Variants in SORCS3 observed in about 807,000 individuals in gnomAD.
SORCS3 encodes the protein VPS10 domain-containing receptor SorCS3.
SORCS3 carries 57 observed loss-of-function variants against 146.3 expected under a neutral mutation model. That is an observed-to-expected ratio of 0.39 (90% CI 0.31 to 0.49). The LOEUF is 0.49. Ranked by LOEUF, SORCS3 falls within the 20% of genes least tolerant of loss-of-function variation. SORCS3 has a pLI of 0.92. For synonymous variants in SORCS3, 653 were observed against 618.5 expected (o/e 1.06, Z -0.83); for missense variants, 1,341 against 1,575.5 (o/e 0.85, Z 2.52).
At chr10:104,940,398 C>G (rs546962047) in intron 3 of SORCS3, among the ~76,000 whole-genome samples, 1 of 112,854 alleles carries the variant, frequency 8.9e-6, no homozygotes, top group African/African-American at 3.0e-5. Context: ...CCCCCTCCCC[C>G]CACCCCACAA....
chr10:104,870,509 C>T (rs983293050), intron 2 of SORCS3, among the ~76,000 whole-genome samples: 4 of 152,068 alleles, frequency 2.6e-5, no homozygotes, highest in Non-Finnish European at 2.9e-5. Flanking sequence ...TGCCATCCAC[C>T]CCTTGCACCT....
At chr10:104,795,978 G>C (rs964811353) in intron 1 of SORCS3, among the ~76,000 whole-genome samples, 1 of 152,140 alleles carries the variant, frequency 6.6e-6, no homozygotes, top group African/African-American at 2.4e-5. Context: ...CTAGCAGAGC[G>C]CTTTGCCCTG....
chr10:104,886,764 T>C (rs765968638), intron 2 of SORCS3, among the ~76,000 whole-genome samples: 8 of 152,212 alleles, frequency 5.3e-5, no homozygotes, highest in Non-Finnish European at 8.8e-5. Flanking sequence ...AAAATATTTG[T>C]TCCTAGACTT....
Position 105,040,913 on chromosome 10 carries a change from T to A in SORCS3, c.955-2142T>A, listed in dbSNP as rs1049183821. Among the ~76,000 whole-genome samples, 23 of 151,124 alleles carry A rather than the reference T, an allele frequency of 1.5e-4. No homozygotes were observed. The Admixed American group carries it at 1.5e-3, about 10-fold the overall frequency. On this transcript the variant is annotated intron_variant, in intron 4 of 26. Transcript: ENST00000369701. Reference sequence around the variant, plus strand: ...TATATTTTCTGTATAGTTGATGTAGTCACTATGCAGCACCAAGCATCAGTA... The same window carrying A: ...TATATTTTCTGTATAGTTGATGTAGACACTATGCAGCACCAAGCATCAGTA...
intron 5 of SORCS3, among the ~76,000 whole-genome samples, chr10:105,078,692 T>C (rs965207669): frequency 3.3e-5 from 5 of 152,228 alleles, no homozygotes; most frequent in African/African-American, 1.2e-4. Context: ...AGTGTTAACA[T>C]GTGCCTCTCT....
rs2015410575 is a variant in SORCS3 at position 104,641,316 on chromosome 10, AG to A, written c.-11del. The A allele has an allele frequency of 4.7e-6, 6 of 1,283,782 alleles. 1 individual carries two copies. The East Asian group carries it at 1.9e-4, about 42-fold the overall frequency. The allele number at this position is 1,283,782 out of a possible 1,614,324, so 79.5% of individuals were successfully genotyped here. On this transcript the variant is annotated 5_prime_UTR_variant, in exon 1 of 27. Transcript: ENST00000369701. This position sits in a 1 kb window ranked among gnomAD's most constrained non-coding sequence, Gnocchi z 6.4. ...CACACTCGGCAGCCCGAGCCGCGGT[AG>A]CCGCAGCGGGATGGAGGCGGCGCGC...
chr10:105,020,600 A>G (rs2055192511), intron 4 of SORCS3, among the ~76,000 whole-genome samples: 1 of 152,228 alleles, frequency 6.6e-6, no homozygotes. Context: ...TTAAAATACT[A>G]CTTCAGCAAC....
intron 1 of SORCS3, among the ~76,000 whole-genome samples, chr10:104,772,553 C>T (rs373437945): frequency 4.6e-5 from 7 of 152,148 alleles, no homozygotes; most frequent in African/African-American, 1.2e-4. Flanking sequence ...CAGATCAAGC[C>T]GTTTTTCCTC....
At position 104,721,453 on chromosome 10, in the gene SORCS3, A is replaced by G. The variant is rs1182526130; in HGVS notation, c.627+79499A>G. On this transcript the variant is annotated intron_variant, in intron 1 of 26. Coordinates refer to ENST00000369701, the MANE Select transcript of SORCS3 (RefSeq NM_014978.3). ...TCTTTTGGCTTAGGATTGACTTGGC[A>G]ATGCGGGCTCTTTTTTGGTTCCATA... is the stretch of plus-strand genomic sequence containing the variant. Among the ~76,000 whole-genome samples, 30 of 152,162 alleles carry G rather than the reference A, an allele frequency of 2.0e-4. No homozygotes were observed. In the East Asian group the frequency reaches 3.7e-3, roughly 19 times the overall value.
At chr10:104,754,122 T>A (rs561781377) in intron 1 of SORCS3, among the ~76,000 whole-genome samples, 43 of 152,286 alleles carry the variant, frequency 2.8e-4, no homozygotes, top group African/African-American at 1.0e-3. Flanking sequence ...ATTTTGTGAA[T>A]GTTTGGTGCT....
At chr10:105,178,215 A>T in intron 14 of SORCS3, 42 bp downstream of exon 14, 1 of 1,470,044 alleles carries the variant, frequency 6.8e-7, no homozygotes, top group Non-Finnish European at 9.4e-7. Flanking sequence ...GACCAGAGAC[A>T]CTGGTTCTAC....
chr10:105,148,489 G>A (rs1056779848), intron 9 of SORCS3, among the ~76,000 whole-genome samples: 2 of 152,140 alleles, frequency 1.3e-5, no homozygotes, highest in African/African-American at 4.8e-5. Context: ...TATAGTGACA[G>A]TATGTGACCT....
chr10:104,741,972 T>C (rs1025322669), intron 1 of SORCS3, among the ~76,000 whole-genome samples: 1 of 152,010 alleles, frequency 6.6e-6, no homozygotes, highest in Non-Finnish European at 1.5e-5. Flanking sequence ...CTCACTCAAG[T>C]TGGGATTTTC....
chr10:104,976,259 T>C (rs9702966), intron 3 of SORCS3, among the ~76,000 whole-genome samples: 3 of 152,252 alleles, frequency 2.0e-5, no homozygotes, highest in Non-Finnish European at 4.4e-5. Context: ...AGGACATGAA[T>C]AGACACTTCT....
intron 20 of SORCS3, among the ~76,000 whole-genome samples, chr10:105,242,441 T>C (rs1210293594): frequency 1.6e-5 from 1 of 61,970 alleles, no homozygotes; most frequent in Non-Finnish European, 3.0e-5. Context: ...TACATATATT[T>C]ATATATATTT....
intron 1 of SORCS3, among the ~76,000 whole-genome samples, chr10:104,757,800 A>G (rs1228086993): frequency 1.3e-5 from 2 of 151,740 alleles, no homozygotes; most frequent in South Asian, 2.1e-4. Flanking sequence ...TCTCTGGGAG[A>G]AGTTTCACAG....
intron 4 of SORCS3, among the ~76,000 whole-genome samples, chr10:105,041,432 C>G (rs1364403463): frequency 6.8e-6 from 1 of 146,596 alleles, no homozygotes; most frequent in Admixed American, 6.9e-5. Flanking sequence ...TATATACACA[C>G]ACATATATAT....
intron 9 of SORCS3, among the ~76,000 whole-genome samples, chr10:105,156,122 T>G (rs2056206708): frequency 6.6e-6 from 1 of 152,214 alleles, no homozygotes; most frequent in Admixed American, 6.5e-5. Flanking sequence ...TAAATACAAT[T>G]AAAACTTTAA....
At chr10:104,673,419 C>CGTGTGTGT (rs61501873) in intron 1 of SORCS3, among the ~76,000 whole-genome samples, 76 of 146,090 alleles carry the variant, frequency 5.2e-4, no homozygotes, top group African/African-American at 1.7e-3. Flanking sequence ...TTCTTATTTC[C>CGTGTGTGT]GTGTGTGTGT....
Sources: gnomAD v4.1 joint callset for allele counts (sites outside exome capture counted in the v4.1 genomes callset) on GRCh38, gnomAD v4.1.1 for gene constraint, Gnocchi (gnomAD v3.1) non-coding constraint, MANE v1.5 for transcripts, NCBI Gene and HGNC (gene_info 2026-07-23, HGNC 2026-07-21) for gene names.